Variants in CEACAM20 observed in about 807,000 individuals in gnomAD.
CEACAM20 encodes the protein cell adhesion molecule CEACAM20.
In CEACAM20, 50 loss-of-function variants were observed where a neutral mutation model predicts 61.2. The observed-to-expected ratio is 0.82, with a 90% CI of 0.65 to 1.03. CEACAM20 has a LOEUF of 1.03. Among genes scored for constraint, CEACAM20 ranks in the 50% least tolerant of loss-of-function variants. The pLI, the probability that CEACAM20 is intolerant of heterozygous loss-of-function variation, is 0.00. For missense variants in CEACAM20, 683 were observed against 736.4 expected, an observed-to-expected ratio of 0.93 and a Z score of 0.84; for synonymous variants, 282 against 287.7, an observed-to-expected ratio of 0.98 and a Z score of 0.20.
At chr19:44,511,789 G>A (rs1599666069) in intron 9 of CEACAM20, 117 bp from the exon 10 acceptor site, 1 of 1,085,754 alleles carries the variant, frequency 9.2e-7, no homozygotes, top group Admixed American at 2.1e-5. Flanking sequence ...ATTCCCAGAG[G>A]GCTCAAAGCT....
chr19:44,517,942 A>T lies in CEACAM20; in HGVS notation c.1031-718T>A, dbSNP rs374033706. Among the ~76,000 whole-genome samples the T allele has an allele frequency of 2.4e-4, 37 of 151,590 alleles. No homozygotes were observed. The South Asian group carries it at 7.7e-3, about 32-fold the overall frequency. ...AAAAATAAAAATAAAAACTAGCTGG[A>T]TGTGGTAGCACATGCCTGTAATTGC... On this transcript the variant is annotated intron_variant, in intron 5 of 11. Transcript: ENST00000614924.
chr19:44,520,878 G>A, intron 4 of CEACAM20, 126 bp from the exon 5 acceptor site: 1 of 928,506 alleles, frequency 1.1e-6, no homozygotes, highest in South Asian at 1.6e-5. Context: ...GTTACAGGTG[G>A]TGTATATGAT....
In CEACAM20 at chr19:44,525,105, G is replaced by A. The variant is rs1227050159; in HGVS notation, c.192C>T (p.Ser64=). 5 of 1,611,078 alleles carry A rather than the reference G, an allele frequency of 3.1e-6. No homozygotes were observed. Among genetic ancestry groups the A allele is most frequent in the Non-Finnish European group, 4.2e-6 (5 of 1,178,738 alleles). Residue 64 remains serine, a synonymous_variant, in exon 2 of 12, where the codon TCC becomes TCT. Transcript: ENST00000614924. Reference sequence around the variant, plus strand: ...GTCTTGTTTTCTGGCCCCTACCTCTGGATCTGCCATGAATCTGGGGTGTCC... The same window carrying A: ...GTCTTGTTTTCTGGCCCCTACCTCTAGATCTGCCATGAATCTGGGGTGTCC... The part of the protein sequence containing the change: ...TPRTPQIHGR[S]RELAKPSIAV...
chr19:44,508,306 A>T (rs1970876139), intron 11 of CEACAM20, among the ~76,000 whole-genome samples: 1 of 152,248 alleles, frequency 6.6e-6, no homozygotes, highest in Non-Finnish European at 1.5e-5. Context: ...ACTAGTCCTT[A>T]GAACTATGGA....
Position 44,525,245 on chromosome 19 carries a change from C to G in CEACAM20, c.53-1G>C, listed in dbSNP as rs759784014. The stretch of plus-strand genomic sequence containing the variant: ...GGACTCCATACGGTACAAAGCGAGG[C>G]TACAAGGGGAGAGAGGAGGCATTCA... On this transcript the variant is annotated splice_acceptor_variant, in intron 1 of 11. Coordinates refer to ENST00000614924, the MANE Select transcript of CEACAM20 (RefSeq NM_001102597.3). LOFTEE classifies it high-confidence loss of function. 1.7e-5 allele frequency: 27 copies of G among 1,573,102 alleles called. No individual in the cohort carries two copies. Among genetic ancestry groups the G allele is most frequent in the Non-Finnish European group, 2.2e-5 (25 of 1,162,440 alleles).
chr19:44,511,494 A>C, intron 10 of CEACAM20, 143 bp downstream of exon 10: 1 of 852,246 alleles, frequency 1.2e-6, no homozygotes, highest in South Asian at 1.6e-5. Context: ...GTGAGGCCTT[A>C]GGCTACTCTC....
intron 5 of CEACAM20, among the ~76,000 whole-genome samples, chr19:44,519,422 G>C (rs1280093281): frequency 6.6e-6 from 1 of 152,130 alleles, no homozygotes; most frequent in Admixed American, 6.5e-5. Flanking sequence ...ACAGAGAAGT[G>C]TAAAGAGGAG....
At chr19:44,511,232 G>T in intron 10 of CEACAM20, 77 bp from the exon 11 acceptor site, 2 of 1,542,318 alleles carry the variant, frequency 1.3e-6, no homozygotes, top group South Asian at 2.4e-5. Context: ...ACTCTTCAGG[G>T]ACCGAGAGAG....
chr19:44,522,110 T>C (rs1971383460), intron 4 of CEACAM20, among the ~76,000 whole-genome samples: 1 of 141,636 alleles, frequency 7.1e-6, no homozygotes, highest in African/African-American at 2.6e-5. Flanking sequence ...GCTCTTAAGA[T>C]TTTTTTTTTT....
chr19:44,520,629 T>C lies in CEACAM20; in HGVS notation c.875A>G (p.Gln292Arg). 6.2e-7 allele frequency: 1 copy of C among 1,614,048 alleles called. No homozygotes were observed. The highest frequency in any genetic ancestry group is 8.5e-7 in the Non-Finnish European group (1 of 1,179,896). The change falls in exon 5 of 12, where the codon CAG becomes CGG. Residue 292 changes from glutamine to arginine, a missense_variant. Coordinates refer to ENST00000614924, the MANE Select transcript of CEACAM20 (RefSeq NM_001102597.3). ...CAGGTGCTCACTGGGCAGGAGGGGC[T>C]GGCCACTTAGGAACCACTGGACATT... ...SVNVQWFLSG[Q>R]PLLPSEHLQL...
At chr19:44,521,161 G>A (rs1971355089) in intron 4 of CEACAM20, among the ~76,000 whole-genome samples, 1 of 152,072 alleles carries the variant, frequency 6.6e-6, no homozygotes, top group South Asian at 2.1e-4. Flanking sequence ...TGTGTTATGT[G>A]TTTGTGTTGT....
chr19:44,511,439 G>A (rs1416487467), intron 10 of CEACAM20, among the ~76,000 whole-genome samples, 198 bp downstream of exon 10: 2 of 152,232 alleles, frequency 1.3e-5, no homozygotes, highest in African/African-American at 4.8e-5. Context: ...GGAGGTGGAA[G>A]GAACGAAAGA....
chr19:44,527,174 A>G (rs1236640738), intron 1 of CEACAM20, among the ~76,000 whole-genome samples: 1 of 152,162 alleles, frequency 6.6e-6, no homozygotes, highest in Non-Finnish European at 1.5e-5. Flanking sequence ...TGGAGATAAT[A>G]GTAGAACTCA....
chr19:44,529,622 AC>A lies in CEACAM20; in HGVS notation c.-114del. The A allele has an allele frequency of 5.1e-6, 4 of 791,294 alleles. No homozygotes were observed. Among genetic ancestry groups the A allele is most frequent in the Middle Eastern group, 5.7e-4 (2 of 3,498 alleles). 49.0% of individuals were successfully genotyped at this position (791,294 alleles called of 1,614,324 possible). On this transcript the variant is annotated 5_prime_UTR_variant, in exon 1 of 12. Coordinates refer to ENST00000614924, the MANE Select transcript of CEACAM20 (RefSeq NM_001102597.3). ...CTCCACCTCCCTTCTCTCCTCTCCCACCCTGCTACAAACTCACACACACACT... is the reference window on the plus strand; with the variant it reads ...CTCCACCTCCCTTCTCTCCTCTCCCACCTGCTACAAACTCACACACACACT...
At position 44,524,079 on chromosome 19, in the gene CEACAM20, T is replaced by G. The variant is rs35443082; in HGVS notation, c.379A>C (p.Ile127Leu). The G allele has an allele frequency of 5.7e-6, 9 of 1,590,262 alleles. No individual in the cohort carries two copies. In the South Asian group the frequency reaches 8.0e-5, roughly 14 times the overall value. Reference protein sequence around the residue: ...SKDGKILTILIVQREDSGTYQ... With the variant: ...SKDGKILTILLVQREDSGTYQ... ...GTCCCTGAGTCCTCCCGCTGGACAA[T>G]GAGAATGGTGAGGATCTTGCCATCC... Residue 127 changes from isoleucine to leucine, a missense_variant, in exon 3 of 12, where the codon ATT becomes CTT. Ile to Leu is a conservative substitution (Grantham distance 5, BLOSUM62 2). Transcript: ENST00000614924.
At chr19:44,509,658 G>C (rs1052733956) in intron 11 of CEACAM20, among the ~76,000 whole-genome samples, 1 of 152,010 alleles carries the variant, frequency 6.6e-6, no homozygotes, top group Non-Finnish European at 1.5e-5. Context: ...AATAGAGTGG[G>C]GTGGATTGGA....
rs1491327431 is a variant in CEACAM20, at chr19:44,510,586, AAG to A, written c.1737+442_1737+443del. ...AAAGAAAGAAAGAAAGAAAGAAAGAAAGAAAGAAAGAAAGAAAGAAAGAAAAA... is the reference window on the plus strand; with the variant it reads ...AAAGAAAGAAAGAAAGAAAGAAAGAAAAAGAAAGAAAGAAAGAAAGAAAAA... On this transcript the variant is annotated intron_variant, in intron 11 of 11. Coordinates refer to ENST00000614924, the MANE Select transcript of CEACAM20 (RefSeq NM_001102597.3). Among the ~76,000 whole-genome samples, 458 of 50,788 alleles carry A rather than the reference AAG, an allele frequency of 9.0e-3. 16 individuals are homozygous for A. The highest frequency in any genetic ancestry group is 0.044 in the African/African-American group (441 of 10,118). 33.3% of individuals were successfully genotyped at this position (50,788 alleles called of 152,430 possible). A position where few individuals can be genotyped will look rare whatever the true frequency, so the allele number is the denominator to read the frequency against.
rs889167620 is a variant in CEACAM20 at position 44,520,825 on chromosome 19, A to G, written c.752-73T>C. ...ATCTCCTGCCCTTGTGGGGCCCACA[A>G]GTTTTTCCAGGAGTGCGTGCGTGTG... On this transcript the variant is annotated intron_variant, in intron 4 of 11. Coordinates refer to ENST00000614924, the MANE Select transcript of CEACAM20 (RefSeq NM_001102597.3). The G allele has an allele frequency of 8.0e-6, 12 of 1,494,238 alleles. No individual in the cohort carries two copies. In the East Asian group the frequency reaches 2.1e-4, roughly 26 times the overall value. The allele number at this position is 1,494,238 out of a possible 1,614,324, so 92.6% of individuals were successfully genotyped here.
Position 44,512,084 on chromosome 19 carries a change from A to C in CEACAM20, c.1514-6T>G. Reference sequence around the variant, plus strand: ...ATACTCAGGACTCAGGCTTTCTAGAAAAAGTGAATCTCAGTCAGGAGCTGG... The same window carrying C: ...ATACTCAGGACTCAGGCTTTCTAGACAAAGTGAATCTCAGTCAGGAGCTGG... On this transcript the variant is annotated splice_polypyrimidine_tract_variant and splice_region_variant and intron_variant, in intron 8 of 11. Coordinates refer to ENST00000614924, the MANE Select transcript of CEACAM20 (RefSeq NM_001102597.3). 6.2e-7 allele frequency: 1 copy of C among 1,604,194 alleles called. No homozygotes were observed. The highest frequency in any genetic ancestry group is 8.5e-7 in the Non-Finnish European group (1 of 1,175,012).
Sources: allele counts gnomAD v4.1 joint callset (sites outside exome capture counted in the v4.1 genomes callset), GRCh38; gene constraint gnomAD v4.1.1; transcripts MANE v1.5; gene names NCBI Gene and HGNC (gene_info 2026-07-23, HGNC 2026-07-21).